Variants in MEF2C observed in about 807,000 individuals in gnomAD.
MEF2C encodes the protein myocyte-specific enhancer factor 2C.
In MEF2C, 6 loss-of-function variants were observed where a neutral mutation model predicts 50.5. The observed-to-expected ratio is 0.12, with a 90% CI of 0.07 to 0.23. The LOEUF is 0.23. Among genes scored for constraint, MEF2C ranks in the 10% least tolerant of loss-of-function variants. MEF2C has a pLI of 1.00. For synonymous variants in MEF2C, 183 were observed against 228.0 expected, an observed-to-expected ratio of 0.80 and a Z score of 1.78; for missense variants, 276 against 605.0, an observed-to-expected ratio of 0.46 and a Z score of 5.70.
intron 1 of MEF2C, among the ~76,000 whole-genome samples, chr5:88,871,560 A>C (rs1478151921): frequency 1.3e-5 from 2 of 152,008 alleles, no homozygotes; most frequent in African/African-American, 4.8e-5. Flanking sequence ...GCATGATAAC[A>C]ATTTCAAGTG....
intron 3 of MEF2C, among the ~76,000 whole-genome samples, chr5:88,795,718 A>T (rs531054200): frequency 2.0e-5 from 3 of 152,148 alleles, no homozygotes; most frequent in Non-Finnish European, 4.4e-5. Flanking sequence ...TGTCTTGTGC[A>T]GTTTTCAAAG....
At chr5:88,818,203 A>G (rs1041102861) in intron 2 of MEF2C, among the ~76,000 whole-genome samples, 2 of 152,004 alleles carry the variant, frequency 1.3e-5, no homozygotes, top group African/African-American at 4.8e-5. Flanking sequence ...TGTGCACCCT[A>G]TGAATACGTA....
intron 1 of MEF2C, chr5:88,825,055 T>C (rs1034022743): frequency 6.6e-6 from 1 of 151,940 alleles, no homozygotes; most frequent in Non-Finnish European, 1.5e-5. Context: ...GCTCAGAATT[T>C]CCCTGTTTAT....
At position 88,722,800 on chromosome 5, in the gene MEF2C, G is replaced by C; in HGVS notation, c.1226C>G (p.Pro409Arg). 6.2e-7 allele frequency: 1 copy of C among 1,614,000 alleles called. No homozygotes were observed. Among genetic ancestry groups the C allele is most frequent in the Non-Finnish European group, 8.5e-7 (1 of 1,179,898 alleles). The part of the protein sequence containing the change: ...RDRTTTPSRY[P>R]QHTRHEAGRS... ...CCCCGCCTCGTGGCGCGTGTGTTGT[G>C]GGTATCTCGAAGGGGTGGTGGTACG... Residue 409 changes from proline (P) to arginine (R), a missense_variant, in exon 11 of 11, where the codon CCA (proline) becomes CGA (arginine). Coordinates refer to ENST00000504921, the MANE Select transcript of MEF2C (RefSeq NM_002397.5).
In MEF2C at chr5:88,722,516, T is replaced by C; in HGVS notation, c.*88A>G. 1 of 1,181,690 alleles carries C rather than the reference T, an allele frequency of 8.5e-7. No individual in the cohort carries two copies. The highest frequency in any genetic ancestry group is 2.4e-5 in the East Asian group (1 of 42,508). 73.2% of individuals were successfully genotyped at this position (1,181,690 alleles called of 1,614,324 possible). A position where few individuals can be genotyped will look rare whatever the true frequency, so the allele number is the denominator to read the frequency against. On this transcript the variant is annotated 3_prime_UTR_variant, in exon 11 of 11. Transcript: ENST00000504921. ...TTTTTTTTTCCACACACGGCACATATAATGCATATCGACCCCCCTTCCCCA... is the reference window on the plus strand; with the variant it reads ...TTTTTTTTTCCACACACGGCACATACAATGCATATCGACCCCCCTTCCCCA...
intron 1 of MEF2C, among the ~76,000 whole-genome samples, chr5:88,849,255 T>C (rs889504080): frequency 3.9e-5 from 6 of 152,038 alleles, no homozygotes; most frequent in African/African-American, 1.4e-4. Flanking sequence ...ATAAAAAGCA[T>C]TCATAAATCC....
chr5:88,748,268 A>T, intron 6 of MEF2C: 1 of 823,858 alleles, frequency 1.2e-6, no homozygotes, highest in South Asian at 5.5e-5. Flanking sequence ...ATTTTTTTTG[A>T]CATTTCAAAC....
chr5:88,856,545 C>T (rs1823425275), intron 1 of MEF2C, among the ~76,000 whole-genome samples: 2 of 152,192 alleles, frequency 1.3e-5, no homozygotes, highest in Admixed American at 1.3e-4. Context: ...CCCTTCCTAT[C>T]ACAGGCCCAG....
intron 3 of MEF2C, among the ~76,000 whole-genome samples, chr5:88,783,936 A>T (rs1720753183): frequency 6.6e-6 from 1 of 152,258 alleles, no homozygotes. Context: ...TGCTTGAATA[A>T]AACAAAATCT....
chr5:88,869,072 A>G (rs1335175813), intron 1 of MEF2C, among the ~76,000 whole-genome samples: 1 of 151,706 alleles, frequency 6.6e-6, no homozygotes, highest in Non-Finnish European at 1.5e-5. Context: ...TGATGTGACA[A>G]CAGTGCCAGT....
At chr5:88,805,823 CTTTTTTTTTTTTTTT>C (rs869224140) in intron 2 of MEF2C, among the ~76,000 whole-genome samples, 5 of 61,554 alleles carry the variant, frequency 8.1e-5, no homozygotes, top group Admixed American at 4.4e-4. Context: ...CGTGAACATT[CTTTTTTTTTTTTTTT>C]TTTTTTTTTT....
chr5:88,814,198 G>C (rs1460067105), intron 2 of MEF2C, among the ~76,000 whole-genome samples: 1 of 151,976 alleles, frequency 6.6e-6, no homozygotes, highest in African/African-American at 2.4e-5. Context: ...AGTAAGTAAT[G>C]GCACAAATGT....
chr5:88,767,875 T>G (rs1372418282), intron 3 of MEF2C, among the ~76,000 whole-genome samples: 3 of 152,244 alleles, frequency 2.0e-5, no homozygotes, highest in African/African-American at 7.2e-5. Flanking sequence ...CAAATGGTGC[T>G]AATTATTGAT....
intron 3 of MEF2C, chr5:88,768,735 G>T: frequency 1.0e-6 from 1 of 978,438 alleles, no homozygotes; most frequent in South Asian, 4.7e-5. Flanking sequence ...GCAGTATTTT[G>T]CAACTGCAAT....
chr5:88,852,589 A>C (rs1821790497), intron 1 of MEF2C, among the ~76,000 whole-genome samples: 1 of 152,226 alleles, frequency 6.6e-6, no homozygotes, highest in African/African-American at 2.4e-5. Flanking sequence ...ATGTAGTTCT[A>C]GCTGGGCACG....
chr5:88,741,125 G>A (rs1274701233), intron 6 of MEF2C: 2 of 985,236 alleles, frequency 2.0e-6, no homozygotes, highest in African/African-American at 3.5e-5. Flanking sequence ...TTCCACCCTT[G>A]AGGATAGGAG....
At chr5:88,812,998 T>C (rs1045744987) in intron 2 of MEF2C, among the ~76,000 whole-genome samples, 3 of 152,146 alleles carry the variant, frequency 2.0e-5, no homozygotes, top group African/African-American at 7.2e-5. Context: ...AACATTTTAA[T>C]TAACGTAAGG....
chr5:88,797,778 G>T (rs1261879365), intron 3 of MEF2C, among the ~76,000 whole-genome samples: 1 of 152,140 alleles, frequency 6.6e-6, no homozygotes, highest in Non-Finnish European at 1.5e-5. Context: ...TGCAGTGGCT[G>T]TTACCAGTTT....
intron 6 of MEF2C, chr5:88,735,529 T>C (rs1454404397): frequency 2.0e-6 from 2 of 978,236 alleles, no homozygotes; most frequent in African/African-American, 3.5e-5. Context: ...AGTCAGTTTG[T>C]TTTATAGTTT....
Sources: gnomAD v4.1 joint callset for allele counts (sites outside exome capture counted in the v4.1 genomes callset) on GRCh38, gnomAD v4.1.1 for gene constraint, MANE v1.5 for transcripts, NCBI Gene and HGNC (gene_info 2026-07-23, HGNC 2026-07-21) for gene names.